MACF1: variants seen among roughly 807,000 people sequenced by gnomAD.
The protein encoded by MACF1 is microtubule-actin cross-linking factor 1.
Under a neutral mutation model 854.8 loss-of-function variants are expected in MACF1, and 193 were observed. The observed-to-expected ratio is 0.23, with a 90% CI of 0.20 to 0.25. The LOEUF (loss-of-function observed/expected upper bound fraction) is 0.25, where lower values mean the gene tolerates loss of function less well. Among genes scored for constraint, MACF1 ranks in the 10% least tolerant of loss-of-function variants. MACF1 has a pLI of 1.00. For synonymous variants in MACF1, 3,185 were observed against 3,226.7 expected (o/e 0.99, Z 0.44); for missense variants, 7,722 against 8,929.1 (o/e 0.86, Z 5.45).
intron 2 of MACF1, among the ~76,000 whole-genome samples, chr1:39,125,000 A>G (rs184657595): frequency 1.8e-4 from 28 of 152,318 alleles, no homozygotes; most frequent in Non-Finnish European, 3.4e-4. Context: ...TTGATTGGAT[A>G]CTTGATTCTG....
intron 41 of MACF1, 52 bp downstream of exon 41, chr1:39,347,262 T>A: frequency 7.3e-7 from 1 of 1,370,174 alleles, no homozygotes; most frequent in Non-Finnish European, 1.0e-6. Flanking sequence ...ATGTCCTCTG[T>A]CATTGGGTTT....
rs139041754 is a variant in MACF1 at position 39,143,249 on chromosome 1, C to T, written c.220+58811C>T. Among the ~76,000 whole-genome samples the T allele has an allele frequency of 6.7e-4, 102 of 152,214 alleles. No individual in the cohort carries two copies. The East Asian group carries it at 0.017, about 25-fold the overall frequency. Reference sequence around the variant, plus strand: ...TTGTACCCCTTGTCTGTGGGCTATACGAAAAGATTTGGAAGCAAGTTGGGG... The same window carrying T: ...TTGTACCCCTTGTCTGTGGGCTATATGAAAAGATTTGGAAGCAAGTTGGGG... On this transcript the variant is annotated intron_variant, in intron 2 of 93. Coordinates refer to the MACF1 transcript ENST00000361689.
intron 99 of MACF1, 63 bp downstream of exon 99, chr1:39,481,093 C>A: frequency 2.0e-6 from 2 of 985,198 alleles, no homozygotes; most frequent in African/African-American, 1.6e-5. Context: ...CTGGACTTGA[C>A]CAGCTCTTCT....
At chr1:39,316,806 C>T (rs894424902) in intron 28 of MACF1, among the ~76,000 whole-genome samples, 3 of 152,144 alleles carry the variant, frequency 2.0e-5, no homozygotes, top group Non-Finnish European at 4.4e-5. Flanking sequence ...AGTGGTTGTG[C>T]CATAAGTTTA....
chr1:39,262,976 A>AC (rs915670546), intron 6 of MACF1, among the ~76,000 whole-genome samples: 15 of 50,820 alleles, frequency 3.0e-4, no homozygotes, highest in African/African-American at 1.3e-3. Flanking sequence ...GTGCCCCCCC[A>AC]CCCCCCGCCT....
At position 39,335,522 on chromosome 1, in the gene MACF1, G is replaced by A; in HGVS notation, c.8934G>A (p.Arg2978=). The A allele has an allele frequency of 1.2e-6, 2 of 1,614,094 alleles. No homozygotes were observed. Among genetic ancestry groups the A allele is most frequent in the South Asian group, 1.1e-5 (1 of 91,070 alleles). ...NARVKSKREK[R]EVIVEESIRT... is the part of the protein sequence containing the mutation. ...GGGTGAAAAGTAAGAGAGAGAAGAGGGAGGTGATTGTAGAAGAAAGTATCA... is the reference window on the plus strand; with the variant it reads ...GGGTGAAAAGTAAGAGAGAGAAGAGAGAGGTGATTGTAGAAGAAAGTATCA... Residue 2978 remains arginine (R), a synonymous_variant, in exon 37 of 101, where the codon AGG becomes AGA. Transcript: ENST00000564288.
chr1:39,224,512 T>C (rs1293590956), intron 1 of MACF1, among the ~76,000 whole-genome samples: 2 of 152,150 alleles, frequency 1.3e-5, no homozygotes, highest in East Asian at 3.9e-4. Context: ...AACTATCCAT[T>C]GGGTTGGCAA....
chr1:39,089,267 T>G (rs1417290914), intron 2 of MACF1, among the ~76,000 whole-genome samples: 1 of 151,770 alleles, frequency 6.6e-6, no homozygotes, highest in African/African-American at 2.4e-5. Context: ...AAAAGGGGAG[T>G]GCAGTGACTC....
rs544995787 is a variant in MACF1 at position 39,334,507 on chromosome 1, T to C, written c.7919T>C (p.Ile2640Thr). The change falls in exon 37 of 101, where the codon ATT (isoleucine) becomes ACT (threonine). Residue 2640 changes from isoleucine to threonine, a missense_variant. This residue lies in a region of MACF1 where 1,531 missense variants were observed against 1,601.6 expected (regional missense o/e 0.96). Transcript: ENST00000564288. The stretch of plus-strand genomic sequence containing the variant: ...TTAGTCAAGAAATGTAAGATTGATA[T>C]TGAATCTGGACAGAGATATCTAGAA... ...SELVKKCKIDIESGQRYLEVI... is the reference protein window; with the variant it reads ...SELVKKCKIDTESGQRYLEVI... 9.9e-6 allele frequency: 16 copies of C among 1,614,014 alleles called. No individual in the cohort carries two copies. The South Asian group carries it at 1.2e-4, about 12-fold the overall frequency.
Position 39,292,077 on chromosome 1 carries a change from G to C in MACF1, c.1914+39G>C, listed in dbSNP as rs372589295. The stretch of plus-strand genomic sequence containing the variant: ...AGAATCCACATTACAGGAGGGACGT[G>C]GTTGGAACGGATGAAAGGACAGTAC... On this transcript the variant is annotated intron_variant, in intron 16 of 100. Coordinates refer to ENST00000564288, the MANE Select transcript of MACF1 (RefSeq NM_001394062.1). 2.5e-6 allele frequency: 4 copies of C among 1,608,664 alleles called. No homozygotes were observed. The East Asian group carries it at 8.9e-5, about 36-fold the overall frequency.
chr1:39,474,729 G>A (rs1644843128), intron 97 of MACF1, among the ~76,000 whole-genome samples: 2 of 152,178 alleles, frequency 1.3e-5, no homozygotes, highest in East Asian at 3.8e-4. Context: ...GTTTGTGTGT[G>A]TGTATAAGTG....
rs918468423 is a variant in MACF1, at chr1:39,283,582, C to A, written c.915+67C>A. 7 of 1,140,536 alleles carry A rather than the reference C, an allele frequency of 6.1e-6. No individual in the cohort carries two copies. The highest frequency in any genetic ancestry group is 9.3e-6 in the Non-Finnish European group (7 of 754,374). 70.7% of individuals were successfully genotyped at this position (1,140,536 alleles called of 1,614,324 possible). ...ATTTGGGTGAAATGCATTGGTTAGA[C>A]ACTTTCTTAAGCACTTATGGTATAC... On this transcript the variant is annotated intron_variant, in intron 9 of 100. Coordinates refer to ENST00000564288, the MANE Select transcript of MACF1 (RefSeq NM_001394062.1). The surrounding 1 kb of genome is among the most constrained non-coding windows in gnomAD (Gnocchi z 4.5).
intron 38 of MACF1, among the ~76,000 whole-genome samples, chr1:39,338,302 G>A (rs1236239122): frequency 6.6e-6 from 1 of 151,782 alleles, no homozygotes; most frequent in Admixed American, 6.6e-5. Context: ...GGGCAAGAGA[G>A]GAGAAAACAG....
At position 39,105,159 on chromosome 1, in the gene MACF1, G is replaced by C. The variant is rs1156349931; in HGVS notation, c.220+20721G>C. On this transcript the variant is annotated intron_variant, in intron 2 of 93. Transcript: ENST00000361689. This position sits in a 1 kb window ranked among gnomAD's most constrained non-coding sequence, Gnocchi z 5.9. The stretch of plus-strand genomic sequence containing the variant: ...CCGGCCTCTCGCGCCCCTCGGCTCG[G>C]GCCCCAGTCCGGGCCGGGCGGGGGT... Among the ~76,000 whole-genome samples the C allele has an allele frequency of 6.6e-6, 1 of 151,858 alleles. No homozygotes were observed. The highest frequency in any genetic ancestry group is 2.4e-5 in the African/African-American group (1 of 41,400).
chr1:39,099,765 G>A (rs538974641), intron 2 of MACF1, among the ~76,000 whole-genome samples: 1 of 152,306 alleles, frequency 6.6e-6, no homozygotes, highest in Non-Finnish European at 1.5e-5. Context: ...TATGTGCAAA[G>A]TATTGTGTTA....
intron 2 of MACF1, among the ~76,000 whole-genome samples, chr1:39,248,134 A>G (rs1419484389): frequency 6.6e-6 from 1 of 152,128 alleles, no homozygotes; most frequent in African/African-American, 2.4e-5. Context: ...ACACATACAT[A>G]CACACATACC....
intron 1 of MACF1, among the ~76,000 whole-genome samples, chr1:39,222,637 C>G (rs1465282061): frequency 6.6e-6 from 1 of 152,116 alleles, no homozygotes; most frequent in African/African-American, 2.4e-5. Flanking sequence ...TTTTGTGCAG[C>G]TTGTGTCTGG....
chr1:39,305,851 T>G (rs1035113789), intron 23 of MACF1, among the ~76,000 whole-genome samples: 1 of 152,210 alleles, frequency 6.6e-6, no homozygotes, highest in Non-Finnish European at 1.5e-5. Flanking sequence ...CATGTTTCAC[T>G]CCCTCACTTT....
At chr1:39,350,663 A>T in intron 42 of MACF1, 122 bp from the exon 43 acceptor site, 1 of 633,004 alleles carries the variant, frequency 1.6e-6, no homozygotes, top group Non-Finnish European at 2.7e-6. Flanking sequence ...ACCTGAAGCA[A>T]ATTGTAGTTA....
Sources: gnomAD v4.1 joint callset for allele counts (sites outside exome capture counted in the v4.1 genomes callset) on GRCh38, gnomAD v4.1.1 for gene constraint, gnomAD v4.1.1 regional missense constraint, Gnocchi (gnomAD v3.1) non-coding constraint, MANE v1.5 for transcripts, NCBI Gene and HGNC (gene_info 2026-07-23, HGNC 2026-07-21) for gene names.